ADAMTS19: variants seen among roughly 807,000 people sequenced by gnomAD.
ADAMTS19 encodes the protein A disintegrin and metalloproteinase with thrombospondin motifs 19.
In ADAMTS19, 93 loss-of-function variants were observed where a neutral mutation model predicts 153.3. That is an observed-to-expected ratio of 0.61 (90% CI 0.51 to 0.72). The LOEUF is 0.72. ADAMTS19 is among the 30% of genes least tolerant of loss of function. The probability of loss-of-function intolerance (pLI) is 0.00; values close to 1 mark genes in which losing one functional copy is unlikely to be tolerated. For synonymous variants in ADAMTS19, 600 were observed against 556.6 expected (o/e 1.08, Z -1.10); for missense variants, 1,482 against 1,552.1 (o/e 0.95, Z 0.76).
In ADAMTS19 at chr5:129,701,347, A is replaced by T. The variant is rs77023351; in HGVS notation, c.2955-41A>T. 2.7e-3 allele frequency: 4,410 copies of T among 1,604,682 alleles called. 76 individuals carry two copies. The East Asian group carries it at 0.038, about 14-fold the overall frequency. The stretch of plus-strand genomic sequence containing the variant: ...AACAGACTAATACAAGTAGATAGGT[A>T]TCTTTTAACTTGTTTCCAGTGACTC... On this transcript the variant is annotated intron_variant, in intron 19 of 22. Transcript: ENST00000274487.
At chr5:129,516,150 G>A (rs1751597359) in intron 3 of ADAMTS19, among the ~76,000 whole-genome samples, 1 of 151,716 alleles carries the variant, frequency 6.6e-6, no homozygotes, top group South Asian at 2.1e-4. Flanking sequence ...TTGTCATGAT[G>A]AATGAACTTT....
chr5:129,535,255 T>A (rs1349193777), intron 6 of ADAMTS19, among the ~76,000 whole-genome samples: 1 of 152,122 alleles, frequency 6.6e-6, no homozygotes, highest in Non-Finnish European at 1.5e-5. Flanking sequence ...TCACAAGCAT[T>A]CTTATACACC....
chr5:129,605,943 T>G (rs1273512367), intron 8 of ADAMTS19, among the ~76,000 whole-genome samples: 1 of 152,210 alleles, frequency 6.6e-6, no homozygotes, highest in African/African-American at 2.4e-5. Flanking sequence ...TGTTTTGATA[T>G]GGCCAAAAAT....
At chr5:129,623,269 C>G (rs1383265526) in intron 10 of ADAMTS19, among the ~76,000 whole-genome samples, 1 of 152,090 alleles carries the variant, frequency 6.6e-6, no homozygotes, top group Non-Finnish European at 1.5e-5. Context: ...AAGGATGAAG[C>G]AAAATGACCT....
intron 21 of ADAMTS19, among the ~76,000 whole-genome samples, chr5:129,718,831 G>A (rs1459305793): frequency 6.6e-6 from 1 of 152,086 alleles, no homozygotes; most frequent in East Asian, 1.9e-4. Context: ...TATTATATTG[G>A]TTGAGGAAAA....
At chr5:129,555,621 C>T (rs1753286102) in intron 7 of ADAMTS19, among the ~76,000 whole-genome samples, 1 of 152,116 alleles carries the variant, frequency 6.6e-6, no homozygotes, top group Non-Finnish European at 1.5e-5. Flanking sequence ...GAAACTGTGA[C>T]AGTCGCAAAG....
At chr5:129,662,761 CTT>C in intron 15 of ADAMTS19, among the ~76,000 whole-genome samples, 1 of 152,066 alleles carries the variant, frequency 6.6e-6, no homozygotes, top group East Asian at 1.9e-4. Context: ...TCACCTTTCT[CTT>C]TGATGCCTCA....
At chr5:129,711,573 A>G (rs1012874074) in intron 21 of ADAMTS19, among the ~76,000 whole-genome samples, 1 of 152,098 alleles carries the variant, frequency 6.6e-6, no homozygotes, top group African/African-American at 2.4e-5. Flanking sequence ...GCTCCTGGGT[A>G]GGCTGAGGCA....
At chr5:129,590,192 T>A (rs1314358489) in intron 7 of ADAMTS19, among the ~76,000 whole-genome samples, 3 of 152,194 alleles carry the variant, frequency 2.0e-5, no homozygotes, top group Admixed American at 2.0e-4. Flanking sequence ...ATTTATTTAA[T>A]CAGTTATATA....
chr5:129,559,150 A>T lies in ADAMTS19; in HGVS notation c.1372+7243A>T, dbSNP rs137903332. On this transcript the variant is annotated intron_variant, in intron 7 of 22. Coordinates refer to ENST00000274487, the MANE Select transcript of ADAMTS19 (RefSeq NM_133638.6). The stretch of plus-strand genomic sequence containing the variant: ...GTATCACTAAATAAATAAGACAATG[A>T]CTAATTTTAATTCTCAGATATTATT... 1.3e-3 allele frequency among the ~76,000 whole-genome samples: 204 copies of T among 152,194 alleles called. 1 individual carries two copies. The highest frequency in any genetic ancestry group is 0.011 in the Admixed American group (165 of 15,284).
Position 129,544,852 on chromosome 5 carries a change from C to G in ADAMTS19, c.1329-7012C>G, listed in dbSNP as rs560992174. Among the ~76,000 whole-genome samples, 262 of 152,234 alleles carry G rather than the reference C, an allele frequency of 1.7e-3. 1 individual carries two copies. The highest frequency in any genetic ancestry group is 2.6e-3 in the Admixed American group (39 of 15,274). ...CACAGGTTGTGAACAAAGAAACATT[C>G]TGCCTCATCCATCACCCCAGGTTAG... On this transcript the variant is annotated intron_variant, in intron 6 of 22. Transcript: ENST00000274487.
At chr5:129,654,955 A>G (rs1017081453) in intron 14 of ADAMTS19, among the ~76,000 whole-genome samples, 9 of 152,124 alleles carry the variant, frequency 5.9e-5, no homozygotes, top group African/African-American at 1.7e-4. Context: ...ATATGCATGT[A>G]TGTGCTTTTC....
chr5:129,662,503 T>C (rs1468184636), intron 15 of ADAMTS19, among the ~76,000 whole-genome samples: 2 of 152,228 alleles, frequency 1.3e-5, no homozygotes, highest in Non-Finnish European at 2.9e-5. Context: ...CCCAACTCAA[T>C]AATAGAGAAT....
At chr5:129,656,419 G>A (rs1753549379) in intron 14 of ADAMTS19, among the ~76,000 whole-genome samples, 1 of 152,358 alleles carries the variant, frequency 6.6e-6, no homozygotes, top group Non-Finnish European at 1.5e-5. Context: ...AAAGCTGAAT[G>A]TAGCATTCCA....
chr5:129,460,459 T>C lies in ADAMTS19; in HGVS notation c.68T>C (p.Phe23Ser). Residue 23 changes from phenylalanine to serine, a missense_variant, in exon 1 of 23, where the codon TTC becomes TCC. Coordinates refer to ENST00000274487, the MANE Select transcript of ADAMTS19 (RefSeq NM_133638.6). ...CCCCLLYQLGFLSNGIVSELQ... is the reference protein window; with the variant it reads ...CCCCLLYQLGSLSNGIVSELQ... ...TGCTGCCTCCTTTACCAGCTGGGGT[T>C]CCTGTCGAATGGGATCGTTTCAGGT... is the stretch of plus-strand genomic sequence containing the variant. 1 of 1,614,154 alleles carries C rather than the reference T, an allele frequency of 6.2e-7. No individual in the cohort carries two copies. The highest frequency in any genetic ancestry group is 8.5e-7 in the Non-Finnish European group (1 of 1,180,022).
intron 6 of ADAMTS19, among the ~76,000 whole-genome samples, chr5:129,544,855 C>T (rs1752797464): frequency 6.6e-6 from 1 of 152,080 alleles, no homozygotes; most frequent in Non-Finnish European, 1.5e-5. Flanking sequence ...AAACATTCTG[C>T]CTCATCCATC....
intron 8 of ADAMTS19, 50 bp downstream of exon 8, chr5:129,596,714 A>C: frequency 7.4e-7 from 1 of 1,352,188 alleles, no homozygotes; most frequent in Non-Finnish European, 1.0e-6. Context: ...TAACTTTGTA[A>C]TTCGAGTTAC....
At chr5:129,535,955 A>C (rs1229282749) in intron 6 of ADAMTS19, among the ~76,000 whole-genome samples, 1 of 152,200 alleles carries the variant, frequency 6.6e-6, no homozygotes, top group African/African-American at 2.4e-5. Flanking sequence ...AAACCATAAA[A>C]ACCCTAGAAG....
intron 2 of ADAMTS19, among the ~76,000 whole-genome samples, chr5:129,504,557 T>A (rs565918804): frequency 6.6e-6 from 1 of 152,236 alleles, no homozygotes; most frequent in African/African-American, 2.4e-5. Flanking sequence ...AAATATACAA[T>A]GCATCATTTT....
Sources: allele counts gnomAD v4.1 joint callset (sites outside exome capture counted in the v4.1 genomes callset), GRCh38; gene constraint gnomAD v4.1.1; transcripts MANE v1.5; gene names NCBI Gene and HGNC (gene_info 2026-07-23, HGNC 2026-07-21).